The following ZRANB3 variants were observed in gnomAD, a reference collection of about 807,000 sequenced individuals.
ZRANB3 encodes the protein zinc finger RANBP2-type containing 3.
A neutral mutation model predicts 133.8 loss-of-function variants in ZRANB3; 125 were observed. That is an observed-to-expected ratio of 0.93 (90% CI 0.81 to 1.08). The LOEUF (loss-of-function observed/expected upper bound fraction) is 1.08, where lower values mean the gene tolerates loss of function less well. Ranked by LOEUF, ZRANB3 falls within the 50% of genes least tolerant of loss-of-function variation. The pLI is 0.00. For synonymous variants in ZRANB3, 387 were observed against 432.7 expected (o/e 0.89, Z 1.31); for missense variants, 1,229 against 1,275.5 (o/e 0.96, Z 0.56).
chr2:135,253,104 A>G (rs1193593576), intron 12 of ZRANB3, among the ~76,000 whole-genome samples: 4 of 152,240 alleles, frequency 2.6e-5, no homozygotes, highest in Non-Finnish European at 1.5e-5. Context: ...TAGACCTGTA[A>G]GTGCCTGATA....
intron 12 of ZRANB3, among the ~76,000 whole-genome samples, chr2:135,260,395 T>C (rs1472142579): frequency 6.6e-6 from 1 of 152,040 alleles, no homozygotes; most frequent in Non-Finnish European, 1.5e-5. Flanking sequence ...TTCCTTGTGG[T>C]GGTGGAATTT....
chr2:135,261,883 G>A (rs1022482728), intron 12 of ZRANB3, among the ~76,000 whole-genome samples: 2 of 151,986 alleles, frequency 1.3e-5, no homozygotes, highest in Non-Finnish European at 2.9e-5. Flanking sequence ...ACCTTGGCTG[G>A]GCACAGTAGC....
chr2:135,503,230 T>A (rs1284663225), intron 2 of ZRANB3, among the ~76,000 whole-genome samples: 2 of 152,192 alleles, frequency 1.3e-5, no homozygotes, highest in Non-Finnish European at 2.9e-5. Flanking sequence ...TATTTAAGTA[T>A]ATATGGGAAA....
chr2:135,508,952 C>T (rs1439923910), intron 1 of ZRANB3, among the ~76,000 whole-genome samples: 1 of 151,084 alleles, frequency 6.6e-6, no homozygotes, highest in African/African-American at 2.5e-5. Flanking sequence ...AAAGGTTTAA[C>T]TTAAAAGGTT....
At position 135,246,320 on chromosome 2, in the gene ZRANB3, T is replaced by G. The variant is rs373336071; in HGVS notation, c.1540-15393A>C. On this transcript the variant is annotated intron_variant, in intron 12 of 20. Transcript: ENST00000264159. ...GGTGACCTTAAACAAGATACTAATT[T>G]GTAGATACAGATATCAAATAAAAAT... Among the ~76,000 whole-genome samples the G allele has an allele frequency of 5.9e-5, 9 of 152,290 alleles. No homozygotes were observed. In the South Asian group the frequency reaches 6.2e-4, roughly 11 times the overall value.
rs549135849 is a variant in ZRANB3 at position 135,255,287 on chromosome 2, C to G, written c.1539+10247G>C. 5.3e-5 allele frequency among the ~76,000 whole-genome samples: 8 copies of G among 152,154 alleles called. No individual in the cohort carries two copies. The South Asian group carries it at 1.7e-3, about 32-fold the overall frequency. ...ACACACACACACAGACACACACACA[C>G]ACACACAGCCCCCAGGGATTCATGG... On this transcript the variant is annotated intron_variant, in intron 12 of 20. Coordinates refer to ENST00000264159, the MANE Select transcript of ZRANB3 (RefSeq NM_032143.4).
At chr2:135,284,089 A>G (rs1472179710) in intron 8 of ZRANB3, among the ~76,000 whole-genome samples, 1 of 152,176 alleles carries the variant, frequency 6.6e-6, no homozygotes, top group African/African-American at 2.4e-5. Context: ...AAGCACATGG[A>G]CTGTGGAGCC....
chr2:135,302,819 C>T (rs541917585), intron 8 of ZRANB3, among the ~76,000 whole-genome samples: 10 of 152,232 alleles, frequency 6.6e-5, no homozygotes, highest in South Asian at 4.2e-4. Context: ...CCACTGCGCC[C>T]GGCCCCAACT....
Position 135,408,613 on chromosome 2 carries a change from G to A in ZRANB3, c.162-17793C>T, listed in dbSNP as rs577899116. Among the ~76,000 whole-genome samples, 465 of 152,166 alleles carry A rather than the reference G, an allele frequency of 3.1e-3. 3 individuals carry two copies. Among genetic ancestry groups the A allele is most frequent in the African/African-American group, 0.01 (429 of 41,532 alleles). ...ATGATAGACTGGATTAAGAAAATGCGGCACATATACACCATGGAATACTAT... is the reference window on the plus strand; with the variant it reads ...ATGATAGACTGGATTAAGAAAATGCAGCACATATACACCATGGAATACTAT... On this transcript the variant is annotated intron_variant, in intron 2 of 20. Coordinates refer to ENST00000264159, the MANE Select transcript of ZRANB3 (RefSeq NM_032143.4).
At chr2:135,279,664 C>T (rs1168959929) in intron 8 of ZRANB3, among the ~76,000 whole-genome samples, 1 of 152,158 alleles carries the variant, frequency 6.6e-6, no homozygotes, top group Non-Finnish European at 1.5e-5. Flanking sequence ...AGAGTCTCCT[C>T]CACTGATATC....
chr2:135,363,163 T>C (rs1391813760), intron 3 of ZRANB3, among the ~76,000 whole-genome samples: 1 of 152,170 alleles, frequency 6.6e-6, no homozygotes, highest in Admixed American at 6.5e-5. Flanking sequence ...GAAGCAAAAT[T>C]TCTAAATTCT....
At chr2:135,373,037 G>A (rs1322726776) in intron 3 of ZRANB3, among the ~76,000 whole-genome samples, 6 of 147,174 alleles carry the variant, frequency 4.1e-5, no homozygotes, top group Non-Finnish European at 8.9e-5. Context: ...CAGCCTAGGC[G>A]ACAAAAGCGA....
intron 3 of ZRANB3, among the ~76,000 whole-genome samples, chr2:135,381,146 C>T (rs1686672516): frequency 6.6e-6 from 1 of 152,146 alleles, no homozygotes; most frequent in Admixed American, 6.5e-5. Flanking sequence ...TGGGTCACTC[C>T]CACCCTAATA....
intron 2 of ZRANB3, among the ~76,000 whole-genome samples, chr2:135,393,787 A>G (rs1168278395): frequency 6.6e-6 from 1 of 152,212 alleles, no homozygotes; most frequent in Non-Finnish European, 1.5e-5. Flanking sequence ...GTACTGGTCT[A>G]ATCATCAACT....
intron 1 of ZRANB3, among the ~76,000 whole-genome samples, chr2:135,522,993 C>T (rs1364678191): frequency 6.6e-6 from 1 of 152,168 alleles, no homozygotes; most frequent in Non-Finnish European, 1.5e-5. Flanking sequence ...TAATACAATT[C>T]ATAATCTCTT....
intron 8 of ZRANB3, among the ~76,000 whole-genome samples, chr2:135,293,962 G>C (rs1681897759): frequency 6.6e-6 from 1 of 151,854 alleles, no homozygotes; most frequent in Admixed American, 6.6e-5. Context: ...GATCATGGTG[G>C]ATAAGCTTTT....
At chr2:135,370,303 G>A (rs1686117973) in intron 3 of ZRANB3, among the ~76,000 whole-genome samples, 1 of 151,780 alleles carries the variant, frequency 6.6e-6, no homozygotes, top group South Asian at 2.1e-4. Flanking sequence ...TCTGCACCCA[G>A]TTTTAGTCTT....
intron 8 of ZRANB3, among the ~76,000 whole-genome samples, chr2:135,295,720 T>A (rs1682033676): frequency 6.6e-6 from 1 of 152,190 alleles, no homozygotes; most frequent in South Asian, 2.1e-4. Context: ...TTGTACTGGT[T>A]TTTCCTTTCC....
At chr2:135,307,361 C>T (rs775661606) in intron 8 of ZRANB3, among the ~76,000 whole-genome samples, 58 of 152,200 alleles carry the variant, frequency 3.8e-4, no homozygotes, top group South Asian at 6.2e-4. Flanking sequence ...CCACCACACC[C>T]GGCCAGATTT....
Sources: allele counts gnomAD v4.1 joint callset (sites outside exome capture counted in the v4.1 genomes callset), GRCh38; gene constraint gnomAD v4.1.1; transcripts MANE v1.5; gene names NCBI Gene and HGNC (gene_info 2026-07-23, HGNC 2026-07-21).